Variants in SYCE1L observed in about 807,000 individuals in gnomAD.
SYCE1L encodes synaptonemal complex central element protein 1 like.
A neutral mutation model predicts 39.6 loss-of-function variants in SYCE1L; 51 were observed. That is an observed-to-expected ratio of 1.29 (90% CI 1.03 to 1.63). The LOEUF (loss-of-function observed/expected upper bound fraction) is 1.63. SYCE1L is among the 40% of genes most tolerant of loss of function. The pLI, the probability that SYCE1L is intolerant of heterozygous loss-of-function variation, is 0.00. For missense variants in SYCE1L, 426 were observed against 304.9 expected (o/e 1.40, Z -2.96); for synonymous variants, 147 against 122.4 (o/e 1.20, Z -1.33).
Position 77,212,219 on chromosome 16 carries a change from TG to T in SYCE1L, c.493+23del. 6.5e-7 allele frequency: 1 copy of T among 1,542,842 alleles called. No individual in the cohort carries two copies. The highest frequency in any genetic ancestry group is 2.1e-4 in the Middle Eastern group (1 of 4,850). On this transcript the variant is annotated intron_variant, in intron 8 of 10. Transcript: ENST00000378644. ...CGGAGAGTGAGCCTCCCGCGCCAGGTGGGCGGGGGGAGGGGGATGTGCCCGG... is the reference window on the plus strand; with the variant it reads ...CGGAGAGTGAGCCTCCCGCGCCAGGTGGCGGGGGGAGGGGGATGTGCCCGG...
At chr16:77,204,815 C>T (rs542406199) in intron 1 of SYCE1L, among the ~76,000 whole-genome samples, 6 of 151,978 alleles carry the variant, frequency 3.9e-5, no homozygotes, top group East Asian at 1.9e-4. Flanking sequence ...GAGGCTGAGG[C>T]GGGAGGGTTG....
chr16:77,200,550 G>C (rs1254084383), intron 1 of SYCE1L: 1 of 151,532 alleles, frequency 6.6e-6, no homozygotes, highest in Non-Finnish European at 1.5e-5. Flanking sequence ...GAGGTCAGGA[G>C]TTTGAGACCA....
intron 1 of SYCE1L, chr16:77,200,280 A>ATATATATATATATATATATATGTG (rs2054722634): frequency 9.0e-6 from 1 of 110,634 alleles, no homozygotes; most frequent in African/African-American, 3.1e-5. Flanking sequence ...ATGTGTATAT[A>ATATATATATATATATATATATGTG]TATATATATA....
At chr16:77,211,063 C>A in intron 6 of SYCE1L, 150 bp from the exon 7 acceptor site, 2 of 786,894 alleles carry the variant, frequency 2.5e-6, no homozygotes, top group Non-Finnish European at 4.2e-6. Flanking sequence ...GGAAGAGGTG[C>A]TACGGGAACC....
intron 9 of SYCE1L, 80 bp from the exon 10 acceptor site, chr16:77,212,494 T>A (rs896647854): frequency 6.5e-7 from 1 of 1,537,216 alleles, no homozygotes. Flanking sequence ...CGTCGTCGGG[T>A]CTCCGCGTCT....
At chr16:77,203,546 G>C (rs995812950) in intron 1 of SYCE1L, among the ~76,000 whole-genome samples, 22 of 150,370 alleles carry the variant, frequency 1.5e-4, no homozygotes, top group African/African-American at 4.9e-4. Flanking sequence ...ATTTCAGCCT[G>C]CAAACATGCT....
At chr16:77,210,544 TC>T (rs2054815455) in intron 6 of SYCE1L, among the ~76,000 whole-genome samples, 1 of 152,038 alleles carries the variant, frequency 6.6e-6, no homozygotes, top group Non-Finnish European at 1.5e-5. Context: ...AATGTCACCC[TC>T]CCATCACTAC....
intron 5 of SYCE1L, 62 bp from the exon 6 acceptor site, chr16:77,209,355 C>T (rs1387497790): frequency 1.3e-6 from 2 of 1,534,726 alleles, no homozygotes; most frequent in Non-Finnish European, 8.8e-7. Context: ...GGGCCTATTA[C>T]CTCTGGCCAA....
In SYCE1L at chr16:77,212,899, G is replaced by A. The variant is rs931502367; in HGVS notation, c.697G>A (p.Glu233Lys). The A allele has an allele frequency of 9.8e-6, 15 of 1,528,726 alleles. No homozygotes were observed. Among genetic ancestry groups the A allele is most frequent in the African/African-American group, 2.8e-5 (2 of 72,304 alleles). 94.7% of individuals were successfully genotyped at this position (1,528,726 alleles called of 1,614,324 possible). A position where few individuals can be genotyped will look rare whatever the true frequency, so the allele number is the denominator to read the frequency against. Residue 233 changes from glutamate to lysine, a missense_variant, in exon 11 of 11, where the codon GAG becomes AAG. Glu to Lys is a moderately conservative substitution (Grantham distance 56). Coordinates refer to ENST00000378644, the MANE Select transcript of SYCE1L (RefSeq NM_001129979.3). ...CCGCGCTCGCGACGAGGAGGATCCC[G>A]AGCCGCCGGTGGCTGCCCCTGACGC... ...LPRARDEEDP[E>K]PPVAAPDAL is the part of the protein sequence containing the mutation.
chr16:77,212,619 C>CA lies in SYCE1L; in HGVS notation c.627_628insA (p.Pro210ThrfsTer13). Reference sequence around the variant, plus strand: ...TATTCGGGGAGCAGGTCCGGAGCGCCCCCGAGGTCGGGGCCGGCGAGGGAG... The same window carrying CA: ...TATTCGGGGAGCAGGTCCGGAGCGCCACCCGAGGTCGGGGCCGGCGAGGGAG... On this transcript the variant is annotated frameshift_variant, in exon 10 of 11. Coordinates refer to ENST00000378644, the MANE Select transcript of SYCE1L (RefSeq NM_001129979.3). LOFTEE classifies it low-confidence loss of function (END_TRUNC). The CA allele has an allele frequency of 6.5e-7, 1 of 1,535,510 alleles. No homozygotes were observed. Among genetic ancestry groups the CA allele is most frequent in the Non-Finnish European group, 8.7e-7 (1 of 1,146,304 alleles).
At chr16:77,207,925 C>A (rs943760813) in intron 2 of SYCE1L, among the ~76,000 whole-genome samples, 1 of 152,160 alleles carries the variant, frequency 6.6e-6, no homozygotes, top group African/African-American at 2.4e-5. Context: ...CTTTGCATAT[C>A]CCCAGACATG....
rs1471925292 is a variant in SYCE1L, at chr16:77,205,056, A to AAAAAAGAAAAG, written c.62-1381_62-1380insAGAAAAGAAAA. 4.8e-4 allele frequency among the ~76,000 whole-genome samples: 68 copies of AAAAAAGAAAAG among 140,742 alleles called. No individual in the cohort carries two copies. In the East Asian group the frequency reaches 4.9e-3, roughly 10 times the overall value. 92.3% of individuals were successfully genotyped at this position (140,742 alleles called of 152,430 possible). On this transcript the variant is annotated intron_variant, in intron 1 of 10. Coordinates refer to ENST00000378644, the MANE Select transcript of SYCE1L (RefSeq NM_001129979.3). ...CGAGACTCCATCTCAAAAAAAAAAAAAAAAGAAAAGAAAAAGATAATGTGG... is the reference window on the plus strand; with the variant it reads ...CGAGACTCCATCTCAAAAAAAAAAAAAAAAAGAAAAGAAAAGAAAAGAAAAAGATAATGTGG...
At position 77,212,346 on chromosome 16, in the gene SYCE1L, G is replaced by C; in HGVS notation, c.558G>C (p.Glu186Asp). The C allele has an allele frequency of 1.3e-6, 2 of 1,527,530 alleles. No homozygotes were observed. Among genetic ancestry groups the C allele is most frequent in the Non-Finnish European group, 1.8e-6 (2 of 1,138,676 alleles). The allele number at this position is 1,527,530 out of a possible 1,614,324, so 94.6% of individuals were successfully genotyped here. A position where few individuals can be genotyped will look rare whatever the true frequency, so the allele number is the denominator to read the frequency against. Residue 186 changes from glutamate to aspartate, a missense_variant, in exon 9 of 11, where the codon GAG becomes GAC. By Grantham distance (45) the Glu-to-Asp change is conservative. Coordinates refer to ENST00000378644, the MANE Select transcript of SYCE1L (RefSeq NM_001129979.3). ...GGCTGCACTCGCCGCCTGAGGTCGA[G>C]GGCGCCATGGCGGTGAATGACGGGT... Reference protein sequence around the residue: ...ERRLHSPPEVEGAMAVNDGLK... With the variant: ...ERRLHSPPEVDGAMAVNDGLK...
At chr16:77,203,312 C>G (rs2054759811) in intron 1 of SYCE1L, among the ~76,000 whole-genome samples, 2 of 151,960 alleles carry the variant, frequency 1.3e-5, no homozygotes, top group Admixed American at 1.3e-4. Flanking sequence ...TTATTTTATT[C>G]TTCCACATTT....
At chr16:77,211,367 C>T in intron 7 of SYCE1L, 91 bp downstream of exon 7, 1 of 1,424,142 alleles carries the variant, frequency 7.0e-7, no homozygotes, top group Non-Finnish European at 9.7e-7. Flanking sequence ...TGCCCAGGCT[C>T]AATGCCGCGG....
rs1243476206 is a variant in SYCE1L, at chr16:77,199,502, G to A, written c.51G>A (p.Glu17=). ...PLNVEAPEAT[E]EAEGQAKSLK... is the part of the protein sequence containing the mutation. Reference sequence around the variant, plus strand: ...ATGTGGAGGCGCCAGAAGCTACTGAGGAGGCTGAAGGTAGTGAGGGCAAGT... The same window carrying A: ...ATGTGGAGGCGCCAGAAGCTACTGAAGAGGCTGAAGGTAGTGAGGGCAAGT... The change falls in exon 1 of 11, where the codon GAG becomes GAA. Residue 17 remains glutamate (E), a synonymous_variant. Transcript: ENST00000378644. The A allele has an allele frequency of 2.6e-6, 4 of 1,551,340 alleles. No individual in the cohort carries two copies. Among genetic ancestry groups the A allele is most frequent in the African/African-American group, 2.7e-5 (2 of 73,046 alleles).
chr16:77,204,639 G>A (rs1322799000), intron 1 of SYCE1L, among the ~76,000 whole-genome samples: 1 of 152,204 alleles, frequency 6.6e-6, no homozygotes, highest in Non-Finnish European at 1.5e-5. Context: ...TATCCACACA[G>A]TGGAATGCCA....
At chr16:77,211,573 A>G (rs575407150) in intron 7 of SYCE1L, among the ~76,000 whole-genome samples, 1 of 152,266 alleles carries the variant, frequency 6.6e-6, no homozygotes, top group Admixed American at 6.5e-5. Context: ...ATGGCAGCCC[A>G]GGGAAAGCCA....
chr16:77,200,291 T>TATATATATATAC lies in SYCE1L; in HGVS notation c.61+780_61+781insTATATATATACA. 2.7e-3 allele frequency: 304 copies of TATATATATATAC among 111,372 alleles called. 3 individuals are homozygous for TATATATATATAC. The highest frequency in any genetic ancestry group is 8.8e-3 in the African/African-American group (262 of 29,750). The allele number at this position is 111,372 out of a possible 1,614,324, so 6.9% of individuals were successfully genotyped here. ...ATATATGTGTATATATATATATATA[T>TATATATATATAC]ACACACACTAATCAGCCGGGCGCGG... On this transcript the variant is annotated intron_variant, in intron 1 of 10. Transcript: ENST00000378644.
Sources: gnomAD v4.1 joint callset for allele counts (sites outside exome capture counted in the v4.1 genomes callset) on GRCh38, gnomAD v4.1.1 for gene constraint, MANE v1.5 for transcripts, NCBI Gene and HGNC (gene_info 2026-07-23, HGNC 2026-07-21) for gene names.